COL21A1: variants seen among roughly 807,000 people sequenced by gnomAD.
COL21A1 encodes the protein collagen type XXI alpha 1 chain, also known as collagen alpha-1(XXI) chain.
Under a neutral mutation model 137.9 loss-of-function variants are expected in COL21A1, and 149 were observed. The observed-to-expected ratio is 1.08, with a 90% CI of 0.95 to 1.24. COL21A1 has a LOEUF of 1.24. Among genes scored for constraint, COL21A1 ranks in the 50% most tolerant of loss-of-function variants. The pLI, the probability that COL21A1 is intolerant of heterozygous loss-of-function variation, is 0.00. For synonymous variants in COL21A1, 456 were observed against 391.5 expected, an observed-to-expected ratio of 1.16 and a Z score of -1.95; for missense variants, 1,167 against 1,158.4, an observed-to-expected ratio of 1.01 and a Z score of -0.11.
chr6:56,291,966 C>T (rs938806792), intron 1 of COL21A1, among the ~76,000 whole-genome samples: 5 of 152,012 alleles, frequency 3.3e-5, no homozygotes, highest in Admixed American at 1.3e-4. Flanking sequence ...TTTAGGAGTT[C>T]GAGACCAGCC....
At position 56,390,506 on chromosome 6, in the gene COL21A1, A is replaced by ACACG. The variant is rs200468149; in HGVS notation, c.-39+3464_-39+3465insCGTG. Among the ~76,000 whole-genome samples the ACACG allele has an allele frequency of 7.4e-3, 1,117 of 150,940 alleles. 14 individuals carry two copies. The highest frequency in any genetic ancestry group is 0.026 in the African/African-American group (1,066 of 40,974). On this transcript the variant is annotated intron_variant, in intron 1 of 28. Coordinates refer to the COL21A1 transcript ENST00000370819. Reference sequence around the variant, plus strand: ...AGAGTGGCTGAATGGACACACACACACACACACACACACACACACACACAC... The same window carrying ACACG: ...AGAGTGGCTGAATGGACACACACACACACGCACACACACACACACACACACACAC...
At chr6:56,091,264 A>C (rs765943197) in intron 17 of COL21A1, among the ~76,000 whole-genome samples, 4 of 152,204 alleles carry the variant, frequency 2.6e-5, no homozygotes, top group Non-Finnish European at 4.4e-5. Flanking sequence ...TCTTAAGTAC[A>C]TGGTAACTTG....
intron 1 of COL21A1, among the ~76,000 whole-genome samples, chr6:56,370,432 A>T (rs1269305591): frequency 7.2e-5 from 11 of 152,204 alleles, no homozygotes; most frequent in Admixed American, 7.2e-4. Context: ...CCAGCTAAAT[A>T]CAGGTGGTGT....
At chr6:56,273,592 A>G (rs1763575682) in intron 1 of COL21A1, among the ~76,000 whole-genome samples, 1 of 152,208 alleles carries the variant, frequency 6.6e-6, no homozygotes, top group African/African-American at 2.4e-5. Context: ...GCTACTATAG[A>G]CAACTCCATG....
chr6:56,163,346 A>G (rs780351948), intron 9 of COL21A1, among the ~76,000 whole-genome samples: 3 of 152,200 alleles, frequency 2.0e-5, no homozygotes, highest in Non-Finnish European at 4.4e-5. Context: ...TCATGGACAA[A>G]CCACTACACT....
chr6:56,118,826 C>A (rs922149775), intron 16 of COL21A1, among the ~76,000 whole-genome samples: 2 of 151,746 alleles, frequency 1.3e-5, no homozygotes, highest in African/African-American at 2.4e-5. Context: ...TGACAGATAA[C>A]CATATGATCA....
At chr6:56,124,878 T>C (rs557085626) in intron 14 of COL21A1, among the ~76,000 whole-genome samples, 6 of 151,316 alleles carry the variant, frequency 4.0e-5, no homozygotes, top group South Asian at 2.1e-4. Context: ...ATCTCCTGAC[T>C]TCGTGATCTG....
In COL21A1 at chr6:56,088,651, T is replaced by C. The variant is rs536385137; in HGVS notation, c.1813-11078A>G. On this transcript the variant is annotated intron_variant, in intron 17 of 29. Coordinates refer to ENST00000244728, the MANE Select transcript of COL21A1 (RefSeq NM_030820.4). ...CATATCAAGCAATAAAACCTTTTCT[T>C]ATAATGTCACAACTTTTTTTCTGCT... Among the ~76,000 whole-genome samples, 5 of 152,284 alleles carry C rather than the reference T, an allele frequency of 3.3e-5. No individual in the cohort carries two copies. In the South Asian group the frequency reaches 1.0e-3, roughly 32 times the overall value.
At chr6:56,126,204 A>G (rs1773041406) in intron 12 of COL21A1, 55 bp from the exon 13 acceptor site, 11 of 1,116,628 alleles carry the variant, frequency 9.9e-6, no homozygotes, top group African/African-American at 1.6e-5. Flanking sequence ...CCTAAACAAT[A>G]TCATCATCTA....
chr6:56,286,825 A>G (rs1386611660), intron 1 of COL21A1, among the ~76,000 whole-genome samples: 1 of 152,198 alleles, frequency 6.6e-6, no homozygotes, highest in Non-Finnish European at 1.5e-5. Flanking sequence ...AGGGGCCATC[A>G]TCTCCTAACA....
rs115840581 is a variant in COL21A1, at chr6:56,062,939, T to C, written c.2173-1258A>G. Among the ~76,000 whole-genome samples the C allele has an allele frequency of 1.2e-3, 185 of 152,282 alleles. 1 individual carries two copies. The highest frequency in any genetic ancestry group is 4.2e-3 in the African/African-American group (173 of 41,574). ...TTAAGATGATTCTCTGAGAGAAATA[T>C]TCACTTTGACTCCATTCACAAAACG... On this transcript the variant is annotated intron_variant, in intron 24 of 29. Transcript: ENST00000244728.
At position 56,220,214 on chromosome 6, in the gene COL21A1, A is replaced by G. The variant is rs142589379; in HGVS notation, c.-39+27173T>C. ...GAGTGCACAATTAATGTCATGTTAT[A>G]TGGAGAGATAAATGGCAGGCCAGCC... is the stretch of plus-strand genomic sequence containing the variant. On this transcript the variant is annotated intron_variant, in intron 1 of 29. Transcript: ENST00000244728. Among the ~76,000 whole-genome samples, 264 of 152,242 alleles carry G rather than the reference A, an allele frequency of 1.7e-3. 2 individuals carry two copies. Among genetic ancestry groups the G allele is most frequent in the African/African-American group, 6.1e-3 (253 of 41,570 alleles).
chr6:56,378,903 G>A (rs2094004318), intron 1 of COL21A1, among the ~76,000 whole-genome samples: 1 of 152,184 alleles, frequency 6.6e-6, no homozygotes, highest in Non-Finnish European at 1.5e-5. Flanking sequence ...GTTTGTCTGG[G>A]AGAAAGTAAG....
rs1327568626 is a variant in COL21A1 at position 56,097,934 on chromosome 6, TAA to T, written c.1812+3536_1812+3537del. Among the ~76,000 whole-genome samples, 537 of 82,624 alleles carry T rather than the reference TAA, an allele frequency of 6.5e-3. 42 individuals carry two copies. The highest frequency in any genetic ancestry group is 0.017 in the African/African-American group (242 of 14,402). The allele number at this position is 82,624 out of a possible 152,430, so 54.2% of individuals were successfully genotyped here. ...AAATATATATAAATATATAAATATATAAAAATATATATAAATATAAAAATATA... is the reference window on the plus strand; with the variant it reads ...AAATATATATAAATATATAAATATATAAATATATATAAATATAAAAATATA... On this transcript the variant is annotated intron_variant, in intron 17 of 29. Coordinates refer to ENST00000244728, the MANE Select transcript of COL21A1 (RefSeq NM_030820.4).
At chr6:56,121,334 GA>G (rs1772485946) in intron 16 of COL21A1, among the ~76,000 whole-genome samples, 1 of 151,628 alleles carries the variant, frequency 6.6e-6, no homozygotes. Flanking sequence ...GCTGAAAAAG[GA>G]AAAACCCTGG....
At chr6:56,336,106 TGAAG>T (rs1765325822) in intron 1 of COL21A1, among the ~76,000 whole-genome samples, 1 of 152,220 alleles carries the variant, frequency 6.6e-6, no homozygotes, top group African/African-American at 2.4e-5. Context: ...ATTAACTCAC[TGAAG>T]ACCCCCAGAT....
At chr6:56,368,526 T>C (rs539183104) in intron 1 of COL21A1, among the ~76,000 whole-genome samples, 19 of 152,344 alleles carry the variant, frequency 1.2e-4, no homozygotes, top group African/African-American at 4.3e-4. Flanking sequence ...AGCACAACAG[T>C]GGCTATCCAG....
intron 1 of COL21A1, among the ~76,000 whole-genome samples, chr6:56,335,990 G>A (rs1765323438): frequency 6.6e-6 from 1 of 152,204 alleles, no homozygotes; most frequent in South Asian, 2.1e-4. Flanking sequence ...TGATGACTAA[G>A]AGAATTGCAA....
intron 1 of COL21A1, among the ~76,000 whole-genome samples, chr6:56,282,342 G>A (rs1001418912): frequency 7.0e-6 from 1 of 143,206 alleles, no homozygotes; most frequent in African/African-American, 2.6e-5. Context: ...TGTACATTAA[G>A]ATTTTGTTTT....
Sources: gnomAD v4.1 joint callset for allele counts (sites outside exome capture counted in the v4.1 genomes callset) on GRCh38, gnomAD v4.1.1 for gene constraint, MANE v1.5 for transcripts, NCBI Gene and HGNC (gene_info 2026-07-23, HGNC 2026-07-21) for gene names.